Variants in LRRC37A2 observed in about 807,000 individuals in gnomAD.
LRRC37A2 encodes leucine-rich repeat-containing protein 37A2.
LRRC37A2 carries 9 observed loss-of-function variants against 68.8 expected under a neutral mutation model. That is an observed-to-expected ratio of 0.13 (90% CI 0.08 to 0.23). LRRC37A2 has a LOEUF of 0.23. LRRC37A2 is among the 10% of genes least tolerant of loss of function. The pLI is 1.00. For synonymous variants in LRRC37A2, 63 were observed against 367.6 expected (o/e 0.17, Z 9.48); for missense variants, 168 against 950.4 (o/e 0.18, Z 10.82).
chr17:46,814,221 G>C, the LRRC37A2 span, among the ~76,000 whole-genome samples: 1 of 152,214 alleles, frequency 6.6e-6, no homozygotes, highest in African/African-American at 2.4e-5. Context: ...TGCTCTGAGA[G>C]TCTAGAACTT....
chr17:46,766,663 C>CCTGCTA, the LRRC37A2 span, among the ~76,000 whole-genome samples: 11 of 152,240 alleles, frequency 7.2e-5, no homozygotes, highest in African/African-American at 2.6e-4. Context: ...GTGAGTCGCC[C>CCTGCTA]CTCAGCCAGA....
At chr17:46,925,146 A>T in the LRRC37A2 span, among the ~76,000 whole-genome samples, 1 of 152,184 alleles carries the variant, frequency 6.6e-6, no homozygotes, top group Admixed American at 6.5e-5. Context: ...TAAGGGCCAG[A>T]TAGTAAATAT....
the LRRC37A2 span, among the ~76,000 whole-genome samples, chr17:46,771,782 C>T: frequency 7.0e-6 from 1 of 143,726 alleles, no homozygotes; most frequent in Non-Finnish European, 1.5e-5. Flanking sequence ...CGCGCCGCGC[C>T]GCGCCGAATG....
the LRRC37A2 span, chr17:46,818,523 A>C: frequency 6.2e-7 from 1 of 1,606,900 alleles, no homozygotes; most frequent in East Asian, 2.2e-5. Context: ...CTTACCACCA[A>C]ATTGGGTAGC....
At chr17:46,839,706 G>A in the LRRC37A2 span, among the ~76,000 whole-genome samples, 1 of 151,946 alleles carries the variant, frequency 6.6e-6, no homozygotes, top group South Asian at 2.1e-4. Context: ...AGAGGCCCCA[G>A]TGTGTGATGT....
the LRRC37A2 span, among the ~76,000 whole-genome samples, chr17:46,696,375 G>A: frequency 2.1e-5 from 3 of 140,862 alleles, no homozygotes; most frequent in Non-Finnish European, 1.5e-5. Flanking sequence ...AACCCTCCAC[G>A]TGCAGTAACA....
the LRRC37A2 span, among the ~76,000 whole-genome samples, chr17:46,894,206 G>A: frequency 6.6e-6 from 1 of 152,212 alleles, no homozygotes; most frequent in East Asian, 1.9e-4. Flanking sequence ...TTCCTTTAAT[G>A]TCAATACCTT....
the LRRC37A2 span, among the ~76,000 whole-genome samples, chr17:46,814,253 C>T: frequency 1.3e-5 from 2 of 152,232 alleles, no homozygotes; most frequent in Non-Finnish European, 2.9e-5. Flanking sequence ...GTCCCCTTCC[C>T]CCATGCCATC....
At chr17:46,870,047 C>T in the LRRC37A2 span, among the ~76,000 whole-genome samples, 1 of 152,080 alleles carries the variant, frequency 6.6e-6, no homozygotes, top group African/African-American at 2.4e-5. Flanking sequence ...TATACTGTAG[C>T]TATAATGATA....
the LRRC37A2 span, among the ~76,000 whole-genome samples, chr17:46,992,219 T>TAAA: frequency 0.011 from 1,658 of 151,472 alleles, 27 homozygotes; most frequent in African/African-American, 0.036. Context: ...AATAAATAAA[T>TAAA]TAGCCAGGTG....
At chr17:46,751,755 A>G in the LRRC37A2 span, 6 of 542,398 alleles carry the variant, frequency 1.1e-5, no homozygotes, top group African/African-American at 3.8e-5. Flanking sequence ...TTAATTTGGT[A>G]TTAGTAGCCT....
chr17:46,493,739 A>G, the LRRC37A2 span, among the ~76,000 whole-genome samples: 32 of 149,204 alleles, frequency 2.1e-4, 2 homozygotes, highest in African/African-American at 7.1e-4. Flanking sequence ...GGGTTTCACC[A>G]TGTTAGCCAG....
chr17:46,911,957 T>C, the LRRC37A2 span, among the ~76,000 whole-genome samples: 2 of 152,144 alleles, frequency 1.3e-5, no homozygotes, highest in Admixed American at 6.5e-5. Flanking sequence ...ATGAGATCAT[T>C]ATTAGTGAGA....
chr17:46,936,431 G>C, the LRRC37A2 span: 1 of 985,406 alleles, frequency 1.0e-6, no homozygotes, highest in Non-Finnish European at 1.2e-6. Context: ...AAGGCTGTGA[G>C]GTGGCTGGGG....
At chr17:46,531,848 A>G in intron 6 of LRRC37A2, among the ~76,000 whole-genome samples, 1 of 121,024 alleles carries the variant, frequency 8.3e-6, no homozygotes, top group East Asian at 2.4e-4. Flanking sequence ...TAAAAGAAAA[A>G]AAATCCAGTT....
At chr17:46,826,091 A>G in the LRRC37A2 span, among the ~76,000 whole-genome samples, 1 of 152,208 alleles carries the variant, frequency 6.6e-6, no homozygotes, top group Non-Finnish European at 1.5e-5. Context: ...TCTTGCGGGG[A>G]AGACTTTTGT....
At chr17:46,882,702 G>A in the LRRC37A2 span, among the ~76,000 whole-genome samples, 1,227 of 152,276 alleles carry the variant, frequency 8.1e-3, 12 homozygotes, top group Non-Finnish European at 0.013. Context: ...CTCACCTGGA[G>A]TTCCTTCTTG....
the LRRC37A2 span, among the ~76,000 whole-genome samples, chr17:46,777,168 C>T: frequency 2.0e-5 from 3 of 152,314 alleles, no homozygotes; most frequent in African/African-American, 7.2e-5. Context: ...CAAGATCATG[C>T]CGCTGCACTC....
At chr17:46,830,995 G>A in the LRRC37A2 span, 143 of 382,470 alleles carry the variant, frequency 3.7e-4, no homozygotes, top group African/African-American at 2.8e-3. Flanking sequence ...CCTCATTGTT[G>A]AAAATGAGTA....
Sources: allele counts gnomAD v4.1 joint callset (sites outside exome capture counted in the v4.1 genomes callset), GRCh38; gene constraint gnomAD v4.1.1; transcripts MANE v1.5; gene names NCBI Gene and HGNC (gene_info 2026-07-23, HGNC 2026-07-21).